Variants in HRH1 observed in about 807,000 individuals in gnomAD.
The protein encoded by HRH1 is histamine receptor H1.
HRH1 carries 6 observed loss-of-function variants against 10.3 expected under a neutral mutation model. The ratio of observed to expected loss-of-function variants is 0.58; its 90% CI spans 0.32 to 1.15. The LOEUF is 1.15. HRH1 is among the 50% of genes most tolerant of loss of function. The pLI, the probability that HRH1 is intolerant of heterozygous loss-of-function variation, is 0.05. For missense variants in HRH1, 514 were observed against 615.3 expected, an observed-to-expected ratio of 0.84 and a Z score of 1.74; for synonymous variants, 242 against 236.7, an observed-to-expected ratio of 1.02 and a Z score of -0.21.
At chr3:11,193,407 C>A (rs978211704) in intron 1 of HRH1, among the ~76,000 whole-genome samples, 2 of 152,208 alleles carry the variant, frequency 1.3e-5, no homozygotes, top group Non-Finnish European at 2.9e-5. Flanking sequence ...TCCATTCAGG[C>A]TGCTATAACA....
At chr3:11,179,322 AAAAG>A (rs1464369818) in intron 1 of HRH1, among the ~76,000 whole-genome samples, 1 of 151,800 alleles carries the variant, frequency 6.6e-6, no homozygotes, top group Non-Finnish European at 1.5e-5. Context: ...AAAAATTTAA[AAAAG>A]AAAGTCAGCC....
At chr3:11,213,137 C>T (rs1414039589) in intron 1 of HRH1, among the ~76,000 whole-genome samples, 1 of 152,188 alleles carries the variant, frequency 6.6e-6, no homozygotes, top group Non-Finnish European at 1.5e-5. Flanking sequence ...TATTTATTGA[C>T]TTGTATTTTT....
At chr3:11,224,527 C>A (rs906928110) in intron 1 of HRH1, among the ~76,000 whole-genome samples, 1 of 152,154 alleles carries the variant, frequency 6.6e-6, no homozygotes, top group East Asian at 1.9e-4. Context: ...GAAACCCGGT[C>A]TCTACTAAAA....
chr3:11,143,801 G>T (rs140799219), intron 1 of HRH1, among the ~76,000 whole-genome samples: 1 of 152,124 alleles, frequency 6.6e-6, no homozygotes, highest in African/African-American at 2.4e-5. Context: ...CCAAGGGTTT[G>T]CTCGTGCTGT....
intron 1 of HRH1, among the ~76,000 whole-genome samples, chr3:11,140,906 G>T (rs1936279331): frequency 6.6e-6 from 1 of 152,200 alleles, no homozygotes; most frequent in Non-Finnish European, 1.5e-5. Context: ...GCCCGTGTGT[G>T]TTTCTGTGCA....
At position 11,262,620 on chromosome 3, in the gene HRH1, C is replaced by G. The variant is rs1023765336; in HGVS notation, c.*2119C>G. The stretch of plus-strand genomic sequence containing the variant: ...GAGAGAGTTGCTCCTCAGGGTCCCT[C>G]AGGACCAAAGAACACTCGAAAAGAG... On this transcript the variant is annotated 3_prime_UTR_variant, in exon 2 of 2. Coordinates refer to ENST00000431010, the MANE Select transcript of HRH1 (RefSeq NM_001098212.2). 1 of 167,058 alleles carries G rather than the reference C, an allele frequency of 6.0e-6. No individual in the cohort carries two copies. 10.3% of individuals were successfully genotyped at this position (167,058 alleles called of 1,614,324 possible). A position where few individuals can be genotyped will look rare whatever the true frequency, so the allele number is the denominator to read the frequency against.
chr3:11,251,811 G>A (rs1014417177), intron 1 of HRH1, among the ~76,000 whole-genome samples: 2 of 152,186 alleles, frequency 1.3e-5, no homozygotes, highest in Non-Finnish European at 2.9e-5. Context: ...GTTCTGGTGA[G>A]GTGTGCTCAC....
At chr3:11,148,650 T>G (rs1160911536) in intron 1 of HRH1, among the ~76,000 whole-genome samples, 1 of 152,104 alleles carries the variant, frequency 6.6e-6, no homozygotes, top group Non-Finnish European at 1.5e-5. Context: ...GTTTCCTTGT[T>G]CCGTTTACAG....
chr3:11,141,540 C>G (rs578182175), intron 1 of HRH1, among the ~76,000 whole-genome samples: 1 of 152,162 alleles, frequency 6.6e-6, no homozygotes, highest in Non-Finnish European at 1.5e-5. Context: ...GGTTCACTCA[C>G]ATGTCCCAAG....
At chr3:11,239,202 A>G (rs1336958369) in intron 1 of HRH1, among the ~76,000 whole-genome samples, 1 of 152,136 alleles carries the variant, frequency 6.6e-6, no homozygotes, top group African/African-American at 2.4e-5. Flanking sequence ...AATTATAGTC[A>G]TCCTAGTCCA....
chr3:11,149,195 T>C (rs1461778613), intron 1 of HRH1, among the ~76,000 whole-genome samples: 1 of 152,236 alleles, frequency 6.6e-6, no homozygotes, highest in African/African-American at 2.4e-5. Flanking sequence ...TTGGGTATTC[T>C]TAGTATCTAT....
At chr3:11,189,349 C>T (rs993570205) in intron 1 of HRH1, among the ~76,000 whole-genome samples, 4 of 152,190 alleles carry the variant, frequency 2.6e-5, no homozygotes, top group African/African-American at 9.7e-5. Context: ...GACTCAGTTT[C>T]TTTGTCTGTA....
intron 1 of HRH1, among the ~76,000 whole-genome samples, chr3:11,185,012 T>C (rs1937428060): frequency 6.7e-6 from 1 of 149,908 alleles, no homozygotes; most frequent in Admixed American, 6.8e-5. Context: ...CATTTAAAGT[T>C]TTTATTAAAA....
chr3:11,254,951 G>A (rs577490268), intron 1 of HRH1, among the ~76,000 whole-genome samples: 198 of 152,288 alleles, frequency 1.3e-3, no homozygotes, highest in African/African-American at 4.5e-3. Context: ...AAGCTAATTC[G>A]ATTGGCTAAG....
intron 1 of HRH1, among the ~76,000 whole-genome samples, chr3:11,182,980 A>G (rs1937386161): frequency 6.6e-6 from 1 of 151,794 alleles, no homozygotes; most frequent in Non-Finnish European, 1.5e-5. Flanking sequence ...TCCTTTTCTG[A>G]TATTTATTGT....
chr3:11,144,449 G>A (rs1424286665), intron 1 of HRH1, among the ~76,000 whole-genome samples: 4 of 151,408 alleles, frequency 2.6e-5, no homozygotes, highest in Admixed American at 1.3e-4. Context: ...ATAGACATAC[G>A]TCTATAGGTA....
At position 11,154,773 on chromosome 3, in the gene HRH1, C is replaced by T. The variant is rs1262020735; in HGVS notation, c.-36+219C>T. ...CTCGGTGGCACCGCTCCCCTCTCCA[C>T]ACTGTGGCCTCAGCACTCGACGCGC... On this transcript the variant is annotated intron_variant, in intron 1 of 1. Coordinates refer to ENST00000431010, the MANE Select transcript of HRH1 (RefSeq NM_001098212.2). This position sits in a 1 kb window ranked among gnomAD's most constrained non-coding sequence, Gnocchi z 4.4. Among the ~76,000 whole-genome samples the T allele has an allele frequency of 6.6e-6, 1 of 152,114 alleles. No individual in the cohort carries two copies. Among genetic ancestry groups the T allele is most frequent in the Non-Finnish European group, 1.5e-5 (1 of 68,006 alleles).
chr3:11,210,976 T>C (rs1302673902), intron 1 of HRH1, among the ~76,000 whole-genome samples: 2 of 152,210 alleles, frequency 1.3e-5, no homozygotes, highest in Non-Finnish European at 2.9e-5. Flanking sequence ...GTTGAGTGCC[T>C]GTTATGTGCA....
chr3:11,234,545 T>G, intron 1 of HRH1: 1 of 1,393,570 alleles, frequency 7.2e-7, no homozygotes, highest in Non-Finnish European at 1.0e-6. Flanking sequence ...AATGTCTTCA[T>G]TGGTAGTATC....
Sources: gnomAD v4.1 joint callset for allele counts (sites outside exome capture counted in the v4.1 genomes callset) on GRCh38, gnomAD v4.1.1 for gene constraint, Gnocchi (gnomAD v3.1) non-coding constraint, MANE v1.5 for transcripts, NCBI Gene and HGNC (gene_info 2026-07-23, HGNC 2026-07-21) for gene names.